Variants in DACH1 observed in about 807,000 individuals in gnomAD.
The protein encoded by DACH1 is dachshund family transcription factor 1, also known as dachshund homolog 1.
In DACH1, 12 loss-of-function variants were observed where a neutral mutation model predicts 54.2. That is an observed-to-expected ratio of 0.22 (90% CI 0.14 to 0.36). DACH1 has a LOEUF of 0.36. Ranked by LOEUF, DACH1 falls within the 10% of genes least tolerant of loss-of-function variation. DACH1 has a pLI of 1.00. For missense variants in DACH1, 805 were observed against 929.8 expected, an observed-to-expected ratio of 0.87 and a Z score of 1.75; for synonymous variants, 386 against 366.2, an observed-to-expected ratio of 1.05 and a Z score of -0.62.
At chr13:71,445,140 T>C (rs1874336293) in intron 10 of DACH1, among the ~76,000 whole-genome samples, 1 of 152,108 alleles carries the variant, frequency 6.6e-6, no homozygotes, top group Non-Finnish European at 1.5e-5. Flanking sequence ...GCCTTCAGCA[T>C]GGTGTTGTTT....
At chr13:71,739,759 C>A (rs1884304203) in intron 1 of DACH1, among the ~76,000 whole-genome samples, 1 of 152,114 alleles carries the variant, frequency 6.6e-6, no homozygotes. Flanking sequence ...TATTTATTTT[C>A]TCTATTTTTT....
At chr13:71,612,312 T>C (rs749494757) in intron 3 of DACH1, among the ~76,000 whole-genome samples, 3 of 152,102 alleles carry the variant, frequency 2.0e-5, no homozygotes, top group Non-Finnish European at 2.9e-5. Context: ...TATACAATAA[T>C]GTAATTATAT....
chr13:71,705,435 A>G (rs747810148), intron 1 of DACH1, among the ~76,000 whole-genome samples: 1 of 152,224 alleles, frequency 6.6e-6, no homozygotes, highest in African/African-American at 2.4e-5. Context: ...GCAAATGAGC[A>G]CTTGCTTATA....
At position 71,866,710 on chromosome 13, in the gene DACH1, G is replaced by C. The variant is rs1470786819; in HGVS notation, c.60C>G (p.Ile20Met). 8.9e-6 allele frequency: 13 copies of C among 1,454,368 alleles called. No homozygotes were observed. Among genetic ancestry groups the C allele is most frequent in the Non-Finnish European group, 1.2e-5 (13 of 1,095,664 alleles). 90.1% of individuals were successfully genotyped at this position (1,454,368 alleles called of 1,614,324 possible). A position where few individuals can be genotyped will look rare whatever the true frequency, so the allele number is the denominator to read the frequency against. ...TGCCAGAGGAGGAAGCAGACGTGGA[G>C]ATTGGGGGTTGAGGGGGGACCAGCT... ...PTQLVPPQPP[I>M]STSASSSGTT... The change falls in exon 1 of 11, where the codon ATC becomes ATG. Residue 20 changes from isoleucine to methionine, a missense_variant. Physicochemically the swap from Ile to Met is conservative, Grantham distance 10. This residue lies in a region of DACH1 where 305 missense variants were observed against 308.7 expected (regional missense o/e 0.99). Coordinates refer to ENST00000613252, the MANE Select transcript of DACH1 (RefSeq NM_080759.6).
rs1881887013 is a variant in DACH1 at position 71,697,385 on chromosome 13, G to T, written c.849-15475C>A. On this transcript the variant is annotated intron_variant, in intron 1 of 10. Transcript: ENST00000613252. Reference sequence around the variant, plus strand: ...GACTTGTCAGAGTGTTGTGTATGGCGCCAACTTGATAATGATGATAAAGTG... The same window carrying T: ...GACTTGTCAGAGTGTTGTGTATGGCTCCAACTTGATAATGATGATAAAGTG... 2.0e-5 allele frequency among the ~76,000 whole-genome samples: 3 copies of T among 152,104 alleles called. No homozygotes were observed. The South Asian group carries it at 6.2e-4, about 32-fold the overall frequency.
At chr13:71,564,830 T>A (rs1413704744) in intron 4 of DACH1, among the ~76,000 whole-genome samples, 3 of 152,220 alleles carry the variant, frequency 2.0e-5, no homozygotes, top group Non-Finnish European at 2.9e-5. Context: ...GCTCTCCTTT[T>A]AATTCTCTTC....
intron 1 of DACH1, among the ~76,000 whole-genome samples, chr13:71,828,001 G>A (rs1429901110): frequency 2.0e-5 from 3 of 151,894 alleles, no homozygotes; most frequent in Non-Finnish European, 4.4e-5. Context: ...TAATTCTTCT[G>A]ATAGCTTTTG....
At position 71,438,067 on chromosome 13, in the gene DACH1, C is replaced by G. The variant is rs1873670417; in HGVS notation, c.*2588G>C. 1 of 152,416 alleles carries G rather than the reference C, an allele frequency of 6.6e-6. No homozygotes were observed. Among genetic ancestry groups the G allele is most frequent in the African/African-American group, 2.4e-5 (1 of 41,510 alleles). The allele number at this position is 152,416 out of a possible 1,614,324, so 9.4% of individuals were successfully genotyped here. ...TCACATTGAAACCAGGCTCAAATAA[C>G]TAGGCTACCATAGAAAAATTTCCAA... On this transcript the variant is annotated 3_prime_UTR_variant, in exon 11 of 11. Coordinates refer to ENST00000613252, the MANE Select transcript of DACH1 (RefSeq NM_080759.6).
At position 71,655,650 on chromosome 13, in the gene DACH1, C is replaced by T. The variant is rs137936213; in HGVS notation, c.965-24933G>A. ...CCTCCCTAAGTGCTGGGATTACAGA[C>T]GTGAGCCACTGAGCCTGGCTGCCTC... On this transcript the variant is annotated intron_variant, in intron 2 of 10. Coordinates refer to ENST00000613252, the MANE Select transcript of DACH1 (RefSeq NM_080759.6). Among the ~76,000 whole-genome samples the T allele has an allele frequency of 2.3e-3, 353 of 152,128 alleles. 2 individuals carry two copies. The highest frequency in any genetic ancestry group is 7.9e-3 in the African/African-American group (328 of 41,502).
At chr13:71,654,619 A>G (rs1878962963) in intron 2 of DACH1, among the ~76,000 whole-genome samples, 1 of 152,006 alleles carries the variant, frequency 6.6e-6, no homozygotes, top group South Asian at 2.1e-4. Context: ...ATAAACTGAA[A>G]AACTGACCCA....
intron 2 of DACH1, among the ~76,000 whole-genome samples, chr13:71,651,949 C>T (rs1361868627): frequency 1.3e-5 from 2 of 152,100 alleles, no homozygotes; most frequent in Non-Finnish European, 2.9e-5. Flanking sequence ...TATTCCAGCT[C>T]CTAGAGATAT....
At chr13:71,558,834 T>C (rs1884414898) in intron 5 of DACH1, among the ~76,000 whole-genome samples, 1 of 152,086 alleles carries the variant, frequency 6.6e-6, no homozygotes, top group Admixed American at 6.5e-5. Context: ...TCCACTTCAA[T>C]AGCTCCCAGA....
chr13:71,805,095 G>T (rs914217840), intron 1 of DACH1, among the ~76,000 whole-genome samples: 1 of 152,110 alleles, frequency 6.6e-6, no homozygotes, highest in African/African-American at 2.4e-5. Flanking sequence ...TCACATGTCA[G>T]TAGCCACTGA....
At chr13:71,511,850 T>C (rs1490045600) in intron 6 of DACH1, among the ~76,000 whole-genome samples, 2 of 151,922 alleles carry the variant, frequency 1.3e-5, no homozygotes, top group Non-Finnish European at 2.9e-5. Flanking sequence ...GAAGGAGTAA[T>C]ACAAGGCATA....
At position 71,481,722 on chromosome 13, in the gene DACH1, A is replaced by G. The variant is rs559916415; in HGVS notation, c.1723-2406T>C. 3.3e-5 allele frequency among the ~76,000 whole-genome samples: 5 copies of G among 152,342 alleles called. No homozygotes were observed. The East Asian group carries it at 9.6e-4, about 29-fold the overall frequency. ...GCAAAAGTATGTTACCGCCAGTGAC[A>G]GCTCTGCTTCAAAAAATACAGAAAA... On this transcript the variant is annotated intron_variant, in intron 7 of 10. Coordinates refer to ENST00000613252, the MANE Select transcript of DACH1 (RefSeq NM_080759.6).
chr13:71,592,438 T>C (rs557068175), intron 3 of DACH1, among the ~76,000 whole-genome samples: 1 of 137,172 alleles, frequency 7.3e-6, no homozygotes, highest in Non-Finnish European at 1.5e-5. Context: ...GAGGTTGCAT[T>C]GAGTCATAAC....
At chr13:71,499,025 A>T (rs1464995363) in intron 6 of DACH1, among the ~76,000 whole-genome samples, 2 of 152,030 alleles carry the variant, frequency 1.3e-5, no homozygotes, top group Admixed American at 1.3e-4. Flanking sequence ...CTGTGTACAG[A>T]GGTTTTTGTT....
chr13:71,625,235 G>A (rs920548952), intron 3 of DACH1, among the ~76,000 whole-genome samples: 2 of 151,930 alleles, frequency 1.3e-5, no homozygotes, highest in African/African-American at 4.8e-5. Context: ...TCTAATTATA[G>A]GAAGGATTTG....
At chr13:71,821,555 A>G (rs568802953) in intron 1 of DACH1, among the ~76,000 whole-genome samples, 15 of 125,662 alleles carry the variant, frequency 1.2e-4, no homozygotes, top group East Asian at 2.0e-4. Flanking sequence ...TTTAATTTCT[A>G]CACCTATAAG....
Sources: gnomAD v4.1 joint callset for allele counts (sites outside exome capture counted in the v4.1 genomes callset) on GRCh38, gnomAD v4.1.1 for gene constraint, gnomAD v4.1.1 regional missense constraint, MANE v1.5 for transcripts, NCBI Gene and HGNC (gene_info 2026-07-23, HGNC 2026-07-21) for gene names.